Variants in LRRC15 observed in about 807,000 individuals in gnomAD.
LRRC15 encodes leucine rich repeat containing 15.
A neutral mutation model predicts 4.3 loss-of-function variants in LRRC15; 5 were observed. The ratio of observed to expected loss-of-function variants is 1.16; its 90% CI spans 0.61 to 2.44. LRRC15 has a LOEUF of 2.44. Among genes scored for constraint, LRRC15 ranks in the 30% most tolerant of loss-of-function variants. LRRC15 has a pLI of 0.01. For missense variants in LRRC15, 769 were observed against 747.0 expected (o/e 1.03, Z -0.34); for synonymous variants, 337 against 323.2 (o/e 1.04, Z -0.46).
chr3:194,363,761 A>G (rs1235499003), intron 1 of LRRC15, among the ~76,000 whole-genome samples: 2 of 152,228 alleles, frequency 1.3e-5, no homozygotes, highest in African/African-American at 4.8e-5. Context: ...GAGGATGGCA[A>G]GGGGATCTAG....
chr3:194,362,681 A>G (rs1577000273), intron 1 of LRRC15, among the ~76,000 whole-genome samples: 3 of 152,156 alleles, frequency 2.0e-5, no homozygotes, highest in Admixed American at 1.3e-4. Context: ...CTCCCTTTCC[A>G]TGAGCAAAAA....
chr3:194,360,448 A>G lies in LRRC15; in HGVS notation c.596T>C (p.Leu199Pro). ...GTTCTCATACAGCCGGAGGACCTGG[A>G]GGTTGCCCAGGTGCTGGAAGACCCT... ...SPRVFQHLGN[L>P]QVLRLYENRL... The change falls in exon 2 of 2, where the codon CTC becomes CCC. Residue 199 changes from leucine (L) to proline (P), a missense_variant. Leu to Pro is a moderately conservative substitution (Grantham distance 98, BLOSUM62 -3). Transcript: ENST00000347624. The G allele has an allele frequency of 6.2e-7, 1 of 1,614,108 alleles. No homozygotes were observed. Among genetic ancestry groups the G allele is most frequent in the East Asian group, 2.2e-5 (1 of 44,876 alleles).
chr3:194,363,183 C>T (rs1713684280), intron 1 of LRRC15, among the ~76,000 whole-genome samples: 1 of 152,104 alleles, frequency 6.6e-6, no homozygotes, highest in Admixed American at 6.6e-5. Flanking sequence ...TCGTGATCTG[C>T]CCACCTCGGT....
intron 1 of LRRC15, among the ~76,000 whole-genome samples, chr3:194,368,497 C>T (rs142101488): frequency 3.9e-5 from 6 of 152,262 alleles, no homozygotes; most frequent in African/African-American, 1.4e-4. Flanking sequence ...ATTGGGCTGT[C>T]TGGCCCTGAA....
At position 194,355,922 on chromosome 3, in the gene LRRC15, G is replaced by T. The variant is rs1449091208; in HGVS notation, c.*3376C>A. 1 of 152,168 alleles carries T rather than the reference G, an allele frequency of 6.6e-6. No individual in the cohort carries two copies. The highest frequency in any genetic ancestry group is 1.5e-5 in the Non-Finnish European group (1 of 68,032). 9.4% of individuals were successfully genotyped at this position (152,168 alleles called of 1,614,324 possible). On this transcript the variant is annotated 3_prime_UTR_variant, in exon 2 of 2. Coordinates refer to ENST00000347624, the MANE Select transcript of LRRC15 (RefSeq NM_130830.5). The stretch of plus-strand genomic sequence containing the variant: ...GGACAAACTATTCTATTCTTTAAGG[G>T]ATGGAAGAGTTTATTTTTTCCTGTG...
At position 194,359,315 on chromosome 3, in the gene LRRC15, C is replaced by A. The variant is rs193006415; in HGVS notation, c.1729G>T (p.Ala577Ser). The change falls in exon 2 of 2, where the codon GCA becomes TCA. Residue 577 changes from alanine (A) to serine (S), a missense_variant. By Grantham distance (99) the Ala-to-Ser change is moderately conservative. Coordinates refer to ENST00000347624, the MANE Select transcript of LRRC15 (RefSeq NM_130830.5). ...RSQAVLMQMK[A>S]PNEC ...CTGCCTCTTTAACACTCATTGGGTGCCTTCATCTGCATCAGGACAGCTTGG... is the reference window on the plus strand; with the variant it reads ...CTGCCTCTTTAACACTCATTGGGTGACTTCATCTGCATCAGGACAGCTTGG... 37 of 1,597,234 alleles carry A rather than the reference C, an allele frequency of 2.3e-5. No individual in the cohort carries two copies. The East Asian group carries it at 2.7e-4, about 12-fold the overall frequency.
At chr3:194,363,237 C>G in intron 1 of LRRC15, 1 of 534,552 alleles carries the variant, frequency 1.9e-6, no homozygotes, top group Non-Finnish European at 3.4e-6. Context: ...CCGTGCCCGG[C>G]CAAGACCTTG....
intron 1 of LRRC15, among the ~76,000 whole-genome samples, chr3:194,365,312 C>T (rs1368992466): frequency 6.6e-6 from 1 of 151,942 alleles, no homozygotes; most frequent in Non-Finnish European, 1.5e-5. Context: ...GGGCTCTCGG[C>T]TTTGGGTCTC....
intron 1 of LRRC15, among the ~76,000 whole-genome samples, chr3:194,365,325 C>G (rs947886651): frequency 6.6e-6 from 1 of 152,208 alleles, no homozygotes; most frequent in Non-Finnish European, 1.5e-5. Flanking sequence ...TGGGTCTCAG[C>G]AGAAGCACCG....
Position 194,360,939 on chromosome 3 carries a change from G to T in LRRC15, c.105C>A (p.Ser35=). ...CPSECTCSRA[S]QVECTGARIV... The stretch of plus-strand genomic sequence containing the variant: ...TGCGTGCCCCGGTGCACTCCACCTG[G>T]GAGGCCCTGGAGCAGGTACACTCGC... Residue 35 remains serine, a synonymous_variant, in exon 2 of 2, where the codon TCC becomes TCA. Coordinates refer to ENST00000347624, the MANE Select transcript of LRRC15 (RefSeq NM_130830.5). 6.3e-7 allele frequency: 1 copy of T among 1,592,008 alleles called. No individual in the cohort carries two copies.
At position 194,360,779 on chromosome 3, in the gene LRRC15, G is replaced by C. The variant is rs200244650; in HGVS notation, c.265C>G (p.Leu89Val). Residue 89 changes from leucine (L) to valine (V), a missense_variant, in exon 2 of 2, where the codon CTG becomes GTG. Transcript: ENST00000347624. ...LIALRIEKNE[L>V]SRITPGAFRN... ...AAGGCCCCAGGCGTGATGCGCGACA[G>C]CTCATTCTTCTCAATCCTCAGGGCG... is the stretch of plus-strand genomic sequence containing the variant. 2 of 1,614,250 alleles carry C rather than the reference G, an allele frequency of 1.2e-6. No individual in the cohort carries two copies. Among genetic ancestry groups the C allele is most frequent in the African/African-American group, 1.3e-5 (1 of 75,064 alleles).
chr3:194,367,108 C>G (rs1369322086), intron 1 of LRRC15, among the ~76,000 whole-genome samples: 3 of 152,122 alleles, frequency 2.0e-5, no homozygotes, highest in Non-Finnish European at 1.5e-5. Flanking sequence ...TGCATGGGTT[C>G]AGGGATTTCT....
rs919224814 is a variant in LRRC15 at position 194,357,268 on chromosome 3, G to A, written c.*2030C>T. 1 of 151,966 alleles carries A rather than the reference G, an allele frequency of 6.6e-6. No individual in the cohort carries two copies. Among genetic ancestry groups the A allele is most frequent in the Non-Finnish European group, 1.5e-5 (1 of 68,030 alleles). 9.4% of individuals were successfully genotyped at this position (151,966 alleles called of 1,614,324 possible). A position where few individuals can be genotyped will look rare whatever the true frequency, so the allele number is the denominator to read the frequency against. ...AGCTAATAAGAGCCGATCGGGATTG[G>A]TGGTAGATTTCCAGATCACAGGTGT... On this transcript the variant is annotated 3_prime_UTR_variant, in exon 2 of 2. Coordinates refer to ENST00000347624, the MANE Select transcript of LRRC15 (RefSeq NM_130830.5).
In LRRC15 at chr3:194,359,503, T is replaced by C; in HGVS notation, c.1541A>G (p.Asp514Gly). The C allele has an allele frequency of 6.2e-7, 1 of 1,614,224 alleles. No homozygotes were observed. Among genetic ancestry groups the C allele is most frequent in the Non-Finnish European group, 8.5e-7 (1 of 1,180,034 alleles). ...STTELTSPVEDYTDLTTIQVT... is the reference protein window; with the variant it reads ...STTELTSPVEGYTDLTTIQVT... Reference sequence around the variant, plus strand: ...CTGAATGGTAGTCAGATCAGTGTAGTCTTCCACAGGGCTGGTTAGCTCAGT... The same window carrying C: ...CTGAATGGTAGTCAGATCAGTGTAGCCTTCCACAGGGCTGGTTAGCTCAGT... The change falls in exon 2 of 2, where the codon GAC becomes GGC. Residue 514 changes from aspartate to glycine, a missense_variant. Asp to Gly is a moderately conservative substitution (Grantham distance 94). Coordinates refer to ENST00000347624, the MANE Select transcript of LRRC15 (RefSeq NM_130830.5).
intron 1 of LRRC15, among the ~76,000 whole-genome samples, chr3:194,361,603 T>C (rs1381161215): frequency 6.6e-6 from 1 of 152,106 alleles, no homozygotes; most frequent in African/African-American, 2.4e-5. Flanking sequence ...ACAAAGGCAA[T>C]GGGAACAAAT....
rs1713394217 is a variant in LRRC15, at chr3:194,355,298, C to G, written c.*4000G>C. 6.6e-6 allele frequency: 1 copy of G among 152,234 alleles called. No homozygotes were observed. Among genetic ancestry groups the G allele is most frequent in the Non-Finnish European group, 1.5e-5 (1 of 68,074 alleles). The allele number at this position is 152,234 out of a possible 1,614,324, so 9.4% of individuals were successfully genotyped here. ...TTCTGTACACCAAATGGATTACAAG[C>G]AGCATCCAGCAGAAGACAGACCCCC... On this transcript the variant is annotated 3_prime_UTR_variant, in exon 2 of 2. Coordinates refer to ENST00000347624, the MANE Select transcript of LRRC15 (RefSeq NM_130830.5).
chr3:194,357,517 G>A lies in LRRC15; in HGVS notation c.*1781C>T, dbSNP rs1440824311. 2.6e-5 allele frequency: 4 copies of A among 152,184 alleles called. No individual in the cohort carries two copies. The highest frequency in any genetic ancestry group is 5.9e-5 in the Non-Finnish European group (4 of 68,034). 9.4% of individuals were successfully genotyped at this position (152,184 alleles called of 1,614,324 possible). ...AGTTGTCCAGAGAAAGACACACGTT[G>A]CCATGAGCCTAACTTCTTGAGCGCC... On this transcript the variant is annotated 3_prime_UTR_variant, in exon 2 of 2. Transcript: ENST00000347624.
chr3:194,360,219 A>G lies in LRRC15; in HGVS notation c.825T>C (p.Thr275=), dbSNP rs1713573156. Reference sequence around the variant, plus strand: ...GCTCCTTCAGGGAATTCCCAAAGAGAGTAAGACGGTTGAGCTGGGGCAGCT... The same window carrying G: ...GCTCCTTCAGGGAATTCCCAAAGAGGGTAAGACGGTTGAGCTGGGGCAGCT... ...FMQLPQLNRL[T]LFGNSLKELS... The change falls in exon 2 of 2, where the codon ACT becomes ACC. Residue 275 remains threonine (T), a synonymous_variant. Transcript: ENST00000347624. 1 of 1,613,780 alleles carries G rather than the reference A, an allele frequency of 6.2e-7. No homozygotes were observed.
chr3:194,364,758 G>T (rs775586876), intron 1 of LRRC15, among the ~76,000 whole-genome samples: 5 of 152,252 alleles, frequency 3.3e-5, no homozygotes, highest in Admixed American at 6.5e-5. Flanking sequence ...ATTTTCCTCT[G>T]TATAAATCCT....
Sources: gnomAD v4.1 joint callset for allele counts (sites outside exome capture counted in the v4.1 genomes callset) on GRCh38, gnomAD v4.1.1 for gene constraint, MANE v1.5 for transcripts, NCBI Gene and HGNC (gene_info 2026-07-23, HGNC 2026-07-21) for gene names.